The following GRIA1 variants were observed in gnomAD, a reference collection of about 807,000 sequenced individuals.
The protein encoded by GRIA1 is glutamate ionotropic receptor AMPA type subunit 1, also known as glutamate receptor 1.
A neutral mutation model predicts 99.2 loss-of-function variants in GRIA1; 31 were observed. The observed-to-expected ratio is 0.31, with a 90% CI of 0.23 to 0.42. The LOEUF is 0.42. Among genes scored for constraint, GRIA1 ranks in the 10% least tolerant of loss-of-function variants. GRIA1 has a pLI of 1.00. For missense variants in GRIA1, 782 were observed against 1,157.5 expected (o/e 0.68, Z 4.71); for synonymous variants, 438 against 432.4 (o/e 1.01, Z -0.16).
At chr5:153,531,002 A>G (rs571944571) in intron 2 of GRIA1, among the ~76,000 whole-genome samples, 1 of 152,304 alleles carries the variant, frequency 6.6e-6, no homozygotes, top group South Asian at 2.1e-4. Context: ...GGTCAGGGGG[A>G]AAATAAGACT....
At chr5:153,703,945 A>G (rs545927654) in intron 10 of GRIA1, among the ~76,000 whole-genome samples, 43 of 152,196 alleles carry the variant, frequency 2.8e-4, no homozygotes, top group Non-Finnish European at 5.3e-4. Flanking sequence ...TTGGTTTACA[A>G]ACAAAAAAGT....
intron 2 of GRIA1, among the ~76,000 whole-genome samples, chr5:153,606,778 T>G (rs1765474190): frequency 6.6e-6 from 1 of 151,834 alleles, no homozygotes; most frequent in African/African-American, 2.4e-5. Flanking sequence ...AGTTTTTCTT[T>G]CTGTGAATAC....
At chr5:153,540,860 A>G (rs150213921) in intron 2 of GRIA1, among the ~76,000 whole-genome samples, 2 of 152,310 alleles carry the variant, frequency 1.3e-5, no homozygotes, top group Non-Finnish European at 2.9e-5. Flanking sequence ...GGAAGAATCT[A>G]TACAAGCCTC....
chr5:153,673,045 G>A (rs2149483773), intron 5 of GRIA1, among the ~76,000 whole-genome samples: 1 of 152,238 alleles, frequency 6.6e-6, no homozygotes. Flanking sequence ...TTAACACAAG[G>A]CTCTATGTGA....
chr5:153,659,738 A>T (rs1755218496), intron 5 of GRIA1, among the ~76,000 whole-genome samples: 1 of 152,092 alleles, frequency 6.6e-6, no homozygotes, highest in African/African-American at 2.4e-5. Flanking sequence ...AGATTGTTAT[A>T]CTGGTATTTA....
intron 2 of GRIA1, among the ~76,000 whole-genome samples, chr5:153,629,377 C>T (rs78056779): frequency 0.097 from 14,819 of 152,240 alleles, 850 homozygotes; most frequent in Middle Eastern, 0.17. Flanking sequence ...ATTGGAAACA[C>T]TTTAAACTGT....
intron 8 of GRIA1, among the ~76,000 whole-genome samples, chr5:153,687,238 G>A (rs1045529287): frequency 3.3e-5 from 5 of 152,214 alleles, no homozygotes; most frequent in African/African-American, 9.6e-5. Context: ...ACAGCATGGC[G>A]TAGAGCTGGT....
chr5:153,805,201 A>G (rs1300829970), intron 15 of GRIA1, among the ~76,000 whole-genome samples: 1 of 152,224 alleles, frequency 6.6e-6, no homozygotes, highest in Non-Finnish European at 1.5e-5. Context: ...GACAATGATA[A>G]CTAGTATTTC....
chr5:153,520,474 G>T (rs1173756508), intron 2 of GRIA1, among the ~76,000 whole-genome samples: 1 of 152,132 alleles, frequency 6.6e-6, no homozygotes, highest in South Asian at 2.1e-4. Context: ...GGGGGATTTT[G>T]TTCTAATGAA....
At chr5:153,694,880 A>G (rs1328519716) in intron 8 of GRIA1, among the ~76,000 whole-genome samples, 1 of 152,076 alleles carries the variant, frequency 6.6e-6, no homozygotes, top group Non-Finnish European at 1.5e-5. Context: ...ACTAATTGTG[A>G]AGAAGGAAGA....
intron 13 of GRIA1, among the ~76,000 whole-genome samples, chr5:153,792,228 T>C (rs999062006): frequency 2.0e-5 from 3 of 152,214 alleles, no homozygotes; most frequent in African/African-American, 7.2e-5. Context: ...CAATGTAGGA[T>C]ATAAATTCCT....
At chr5:153,751,034 A>T (rs1762477695) in intron 11 of GRIA1, among the ~76,000 whole-genome samples, 1 of 152,198 alleles carries the variant, frequency 6.6e-6, no homozygotes, top group African/African-American at 2.4e-5. Flanking sequence ...TGGGAGGCAG[A>T]GGTTGCAGTG....
intron 2 of GRIA1, among the ~76,000 whole-genome samples, chr5:153,516,818 C>T (rs1348475806): frequency 2.0e-5 from 3 of 151,920 alleles, no homozygotes; most frequent in Non-Finnish European, 2.9e-5. Context: ...CGTTCCCATG[C>T]CAACTGAGGG....
chr5:153,513,383 A>G (rs1281813343), intron 2 of GRIA1, among the ~76,000 whole-genome samples: 1 of 151,996 alleles, frequency 6.6e-6, no homozygotes, highest in African/African-American at 2.4e-5. Context: ...ATCCACAAAT[A>G]CTCTGAATTC....
At chr5:153,674,759 C>T (rs2149485504) in intron 6 of GRIA1, 98 bp downstream of exon 6, 2 of 1,266,750 alleles carry the variant, frequency 1.6e-6, no homozygotes, top group Non-Finnish European at 2.2e-6. Flanking sequence ...AATCAGTTTT[C>T]TAAAGCGAAC....
intron 2 of GRIA1, among the ~76,000 whole-genome samples, chr5:153,587,991 T>C (rs1164636252): frequency 6.6e-6 from 1 of 152,152 alleles, no homozygotes; most frequent in Non-Finnish European, 1.5e-5. Context: ...TATACCAAAA[T>C]CTTAGGTTCT....
rs900361915 is a variant in GRIA1, at chr5:153,585,022, C to T, written c.221-61906C>T. On this transcript the variant is annotated intron_variant, in intron 2 of 15. Transcript: ENST00000285900. ...TCATTCAACAAACCTTAACTGAATA[C>T]CTCCTATTCAACAGTGCACGAGCTG... 2.6e-5 allele frequency among the ~76,000 whole-genome samples: 4 copies of T among 152,210 alleles called. No individual in the cohort carries two copies. In the East Asian group the frequency reaches 5.8e-4, roughly 22 times the overall value.
At chr5:153,606,401 A>G (rs1487123909) in intron 2 of GRIA1, among the ~76,000 whole-genome samples, 1 of 152,100 alleles carries the variant, frequency 6.6e-6, no homozygotes, top group Non-Finnish European at 1.5e-5. Context: ...ACATTTACAT[A>G]CAAATTTTAG....
chr5:153,700,667 G>A (rs531729213), intron 10 of GRIA1, among the ~76,000 whole-genome samples: 1 of 152,276 alleles, frequency 6.6e-6, no homozygotes, highest in Admixed American at 6.5e-5. Context: ...CTTGTGCAGG[G>A]AAGGGACCAC....
Sources: gnomAD v4.1 joint callset for allele counts (sites outside exome capture counted in the v4.1 genomes callset) on GRCh38, gnomAD v4.1.1 for gene constraint, MANE v1.5 for transcripts, NCBI Gene and HGNC (gene_info 2026-07-23, HGNC 2026-07-21) for gene names.